Variants in NEMP2 observed in about 807,000 individuals in gnomAD.
NEMP2 encodes UPF0571 transmembrane protein.
In NEMP2, 53 loss-of-function variants were observed where a neutral mutation model predicts 54.2. The observed-to-expected ratio is 0.98, with a 90% CI of 0.78 to 1.23. The LOEUF is 1.23. Among genes scored for constraint, NEMP2 ranks in the 50% most tolerant of loss-of-function variants. NEMP2 has a pLI of 0.00. For missense variants in NEMP2, 455 were observed against 511.3 expected (o/e 0.89, Z 1.06); for synonymous variants, 197 against 190.3 (o/e 1.04, Z -0.29).
At chr2:190,629,097 C>G in the NEMP2 span, among the ~76,000 whole-genome samples, 1 of 152,176 alleles carries the variant, frequency 6.6e-6, no homozygotes, top group Non-Finnish European at 1.5e-5. Flanking sequence ...GCGCCTGGCC[C>G]TGCTCACTAA....
chr2:190,645,046 A>G, the NEMP2 span, among the ~76,000 whole-genome samples: 1 of 152,186 alleles, frequency 6.6e-6, no homozygotes, highest in Non-Finnish European at 1.5e-5. Context: ...GCTTCTCCCA[A>G]ATCTACTCCT....
the NEMP2 span, among the ~76,000 whole-genome samples, chr2:190,450,765 T>A: frequency 8.3e-4 from 126 of 152,188 alleles, no homozygotes; most frequent in Non-Finnish European, 1.4e-3. Context: ...AGTGCTGGGT[T>A]TATAGGCAAT....
At chr2:190,518,116 G>T (rs1402990406) in intron 4 of NEMP2, among the ~76,000 whole-genome samples, 1 of 152,174 alleles carries the variant, frequency 6.6e-6, no homozygotes, top group Non-Finnish European at 1.5e-5. Context: ...ACAATGTTAA[G>T]AATAGCTGAC....
the NEMP2 span, among the ~76,000 whole-genome samples, chr2:190,553,977 TGGGACTGGTTG>T: frequency 1.3e-5 from 2 of 152,202 alleles, no homozygotes; most frequent in Non-Finnish European, 2.9e-5. Context: ...TTCATCTCAC[TGGGACTGGTTG>T]GGCAGTGGGT....
At chr2:190,534,532 G>GCGGCGC in intron 1 of NEMP2, 27 bp downstream of exon 1, 1 of 1,380,484 alleles carries the variant, frequency 7.2e-7, no homozygotes. Flanking sequence ...ACGCACGCGC[G>GCGGCGC]CGCCGCCGCC....
the NEMP2 span, among the ~76,000 whole-genome samples, chr2:190,486,179 C>CAATAGTTAGTTTTT: frequency 6.6e-6 from 1 of 152,328 alleles, no homozygotes; most frequent in Non-Finnish European, 1.5e-5. Context: ...AACAAAAGAC[C>CAATAGTTAGTTTTT]TTGTTGAGTA....
At chr2:190,438,524 G>A in the NEMP2 span, among the ~76,000 whole-genome samples, 2 of 152,146 alleles carry the variant, frequency 1.3e-5, no homozygotes, top group Non-Finnish European at 2.9e-5. The surrounding 1 kb of genome is among the most constrained non-coding windows in gnomAD (Gnocchi z 5.2). Flanking sequence ...TAAAAAAAGA[G>A]AACACCCTGT....
chr2:190,523,879 T>C lies in NEMP2; in HGVS notation c.213+1384A>G, dbSNP rs1690838210. Among the ~76,000 whole-genome samples, 1 of 152,118 alleles carries C rather than the reference T, an allele frequency of 6.6e-6. No individual in the cohort carries two copies. The highest frequency in any genetic ancestry group is 1.5e-5 in the Non-Finnish European group (1 of 68,002). On this transcript the variant is annotated intron_variant, in intron 2 of 8. Coordinates refer to ENST00000409150, the MANE Select transcript of NEMP2 (RefSeq NM_001142645.2). This position sits in a 1 kb window ranked among gnomAD's most constrained non-coding sequence, Gnocchi z 5.3. ...AAATACATGGGAGGAGGAAAATCTC[T>C]TCTTTATAGTAGAATGCCAATGAAT...
downstream of NEMP2, chr2:190,500,133 A>G (rs539393739): frequency 4.3e-6 from 7 of 1,614,152 alleles, no homozygotes; most frequent in South Asian, 5.5e-5. This position sits in a 1 kb window ranked among gnomAD's most constrained non-coding sequence, Gnocchi z 5.3. Context: ...TCTCAGACGC[A>G]GACCAGCCCC....
rs13395233 is a variant in NEMP2, at chr2:190,519,198, C to G, written c.214-15G>C. 0.18 allele frequency: 264,778 copies of G among 1,490,484 alleles called. 24,301 individuals are homozygous for G. The highest frequency in any genetic ancestry group is 0.25 in the Middle Eastern group (1,461 of 5,782). The allele number at this position is 1,490,484 out of a possible 1,614,324, so 92.3% of individuals were successfully genotyped here. On this transcript the variant is annotated splice_polypyrimidine_tract_variant and intron_variant, in intron 2 of 8. Coordinates refer to ENST00000409150, the MANE Select transcript of NEMP2 (RefSeq NM_001142645.2). The surrounding 1 kb of genome is among the most constrained non-coding windows in gnomAD (Gnocchi z 5.4). ...GTAATTTTCACCTGTAAAACAAGAA[C>G]AAGCAAATCCATAAACAGAATAACT...
At chr2:190,493,952 G>C in the NEMP2 span, among the ~76,000 whole-genome samples, 1 of 151,828 alleles carries the variant, frequency 6.6e-6, no homozygotes, top group South Asian at 2.1e-4. Context: ...ACACCTCAAG[G>C]AACTAGAGAA....
the NEMP2 span, among the ~76,000 whole-genome samples, chr2:190,559,187 A>G: frequency 1.3e-5 from 2 of 152,208 alleles, no homozygotes; most frequent in South Asian, 4.1e-4. This position sits in a 1 kb window ranked among gnomAD's most constrained non-coding sequence, Gnocchi z 4.0. Context: ...CATGAAGATA[A>G]TGTTGGGTTT....
At chr2:190,481,713 A>G in the NEMP2 span, among the ~76,000 whole-genome samples, 596 of 152,370 alleles carry the variant, frequency 3.9e-3, 4 homozygotes, top group African/African-American at 0.014. Context: ...ATACTGTTGA[A>G]TGCATGAAGG....
Position 190,528,951 on chromosome 2 carries a change from C to G in NEMP2, c.98-3573G>C, listed in dbSNP as rs1691043346. 6.6e-6 allele frequency among the ~76,000 whole-genome samples: 1 copy of G among 152,224 alleles called. No individual in the cohort carries two copies. Among genetic ancestry groups the G allele is most frequent in the Non-Finnish European group, 1.5e-5 (1 of 68,038 alleles). On this transcript the variant is annotated intron_variant, in intron 1 of 8. Coordinates refer to ENST00000409150, the MANE Select transcript of NEMP2 (RefSeq NM_001142645.2). This position sits in a 1 kb window ranked among gnomAD's most constrained non-coding sequence, Gnocchi z 4.3. ...TGCACTAGGATGATGTAATAGCCTT[C>G]TATCTGGCTGGTCTCCCTGCTTCCA... is the stretch of plus-strand genomic sequence containing the variant.
chr2:190,598,560 C>T, the NEMP2 span, among the ~76,000 whole-genome samples: 1 of 152,198 alleles, frequency 6.6e-6, no homozygotes, highest in African/African-American at 2.4e-5. Flanking sequence ...GGCATCAAGT[C>T]GTGTTTTGCT....
At chr2:190,624,367 A>G in the NEMP2 span, among the ~76,000 whole-genome samples, 7 of 152,334 alleles carry the variant, frequency 4.6e-5, no homozygotes, top group African/African-American at 1.7e-4. Context: ...TAGTATAGTC[A>G]CTATAAAACA....
chr2:190,610,301 C>T, the NEMP2 span: 1 of 152,080 alleles, frequency 6.6e-6, no homozygotes, highest in South Asian at 2.1e-4. This position sits in a 1 kb window ranked among gnomAD's most constrained non-coding sequence, Gnocchi z 5.4. Context: ...GAACTTTGTT[C>T]CATAGAAGGA....
chr2:190,543,140 G>A, the NEMP2 span, among the ~76,000 whole-genome samples: 7 of 152,140 alleles, frequency 4.6e-5, no homozygotes, highest in African/African-American at 1.7e-4. The surrounding 1 kb of genome is among the most constrained non-coding windows in gnomAD (Gnocchi z 4.7). Context: ...AGTTTGCCTG[G>A]CACTAATAAA....
chr2:190,574,612 A>G, the NEMP2 span, among the ~76,000 whole-genome samples: 1 of 151,998 alleles, frequency 6.6e-6, no homozygotes, highest in Non-Finnish European at 1.5e-5. Context: ...CCCTCAACCA[A>G]CACTCCCAAA....
Sources: allele counts gnomAD v4.1 joint callset (sites outside exome capture counted in the v4.1 genomes callset), GRCh38; gene constraint gnomAD v4.1.1; non-coding constraint Gnocchi (gnomAD v3.1); transcripts MANE v1.5; gene names NCBI Gene and HGNC (gene_info 2026-07-23, HGNC 2026-07-21).